The following MET variants were observed in gnomAD, a reference collection of about 807,000 sequenced individuals.
MET encodes the protein hepatocyte growth factor receptor.
In MET, 48 loss-of-function variants were observed where a neutral mutation model predicts 133.1. The ratio of observed to expected loss-of-function variants is 0.36; its 90% CI spans 0.29 to 0.46. The LOEUF is 0.46. Ranked by LOEUF, MET falls within the 20% of genes least tolerant of loss-of-function variation. MET has a pLI of 1.00. For synonymous variants in MET, 628 were observed against 616.5 expected (o/e 1.02, Z -0.28); for missense variants, 1,442 against 1,695.9 (o/e 0.85, Z 2.63).
At chr7:116,692,397 C>T (rs1398255358) in intron 1 of MET, among the ~76,000 whole-genome samples, 1 of 152,144 alleles carries the variant, frequency 6.6e-6, no homozygotes, top group African/African-American at 2.4e-5. Flanking sequence ...TATTCTATTG[C>T]CTCTGTTGGG....
At chr7:116,697,305 A>G (rs896630434) in intron 1 of MET, among the ~76,000 whole-genome samples, 19 of 152,122 alleles carry the variant, frequency 1.2e-4, no homozygotes, top group African/African-American at 4.6e-4. Context: ...TGGTGCTACC[A>G]TATTTGTTCT....
At chr7:116,762,893 G>A (rs935152176) in intron 10 of MET, among the ~76,000 whole-genome samples, 157 bp from the exon 11 acceptor site, 10 of 152,176 alleles carry the variant, frequency 6.6e-5, no homozygotes, top group African/African-American at 2.2e-4. Flanking sequence ...TGCATGTATC[G>A]TGTTTCCAGA....
chr7:116,787,007 C>A (rs942317838), intron 19 of MET, among the ~76,000 whole-genome samples: 1 of 152,064 alleles, frequency 6.6e-6, no homozygotes, highest in Non-Finnish European at 1.5e-5. Flanking sequence ...GGTAGGGGAA[C>A]TATTAGAGAA....
intron 6 of MET, among the ~76,000 whole-genome samples, chr7:116,756,102 C>T (rs1295105383): frequency 6.6e-6 from 1 of 152,112 alleles, no homozygotes; most frequent in Non-Finnish European, 1.5e-5. Flanking sequence ...AAAAGAGGTA[C>T]CTGAAGTTCA....
At chr7:116,740,784 C>A in intron 4 of MET, 68 bp from the exon 5 acceptor site, 1 of 1,576,140 alleles carries the variant, frequency 6.3e-7, no homozygotes, top group Non-Finnish European at 8.7e-7. Flanking sequence ...CTTTTGTGTA[C>A]TTACTTTATA....
At chr7:116,754,177 A>C (rs1312719048) in intron 5 of MET, among the ~76,000 whole-genome samples, 3 of 152,210 alleles carry the variant, frequency 2.0e-5, no homozygotes, top group African/African-American at 4.8e-5. Flanking sequence ...TGAATGAATG[A>C]ATTATTGGCA....
At chr7:116,758,402 C>T (rs2116929043) in intron 8 of MET, 57 bp from the exon 9 acceptor site, 1 of 1,540,298 alleles carries the variant, frequency 6.5e-7, no homozygotes, top group Non-Finnish European at 9.0e-7. Flanking sequence ...GGATATAATT[C>T]TAAAATATGT....
chr7:116,755,254 T>C, intron 5 of MET, 101 bp from the exon 6 acceptor site: 2 of 1,322,654 alleles, frequency 1.5e-6, no homozygotes, highest in Non-Finnish European at 2.1e-6. Flanking sequence ...TGAAAGAATT[T>C]CAGACTATTT....
intron 2 of MET, among the ~76,000 whole-genome samples, chr7:116,719,765 G>C (rs1215578357): frequency 1.3e-5 from 2 of 151,656 alleles, no homozygotes; most frequent in Non-Finnish European, 3.0e-5. Flanking sequence ...CCCATTGCTT[G>C]TTTTTCTCAG....
At chr7:116,721,735 G>A (rs1484171938) in intron 2 of MET, among the ~76,000 whole-genome samples, 1 of 151,716 alleles carries the variant, frequency 6.6e-6, no homozygotes, top group East Asian at 1.9e-4. Flanking sequence ...CCTTCATTTC[G>A]TTATGTATCC....
chr7:116,768,347 G>A (rs1454307589), intron 11 of MET, among the ~76,000 whole-genome samples: 1 of 151,912 alleles, frequency 6.6e-6, no homozygotes, highest in Non-Finnish European at 1.5e-5. Flanking sequence ...CCTCCAATAT[G>A]TGGATAAGGG....
chr7:116,675,412 A>T (rs966944416), intron 1 of MET, among the ~76,000 whole-genome samples: 4 of 152,224 alleles, frequency 2.6e-5, no homozygotes, highest in African/African-American at 9.6e-5. Flanking sequence ...TTTGCTATGA[A>T]ATAATAGAAT....
At chr7:116,755,545 G>T (rs184917798) in intron 6 of MET, 30 bp downstream of exon 6, 28 of 1,613,624 alleles carry the variant, frequency 1.7e-5, no homozygotes, top group Non-Finnish European at 1.2e-5. Context: ...TTGCTGGGGT[G>T]TGCTTGGAAA....
intron 5 of MET, among the ~76,000 whole-genome samples, chr7:116,753,509 C>G (rs999061741): frequency 2.6e-5 from 4 of 151,952 alleles, no homozygotes; most frequent in Non-Finnish European, 5.9e-5. Flanking sequence ...CATGACTGAC[C>G]AAGGTTTATC....
intron 3 of MET, among the ~76,000 whole-genome samples, chr7:116,738,242 T>C (rs1414304044): frequency 1.3e-5 from 2 of 152,164 alleles, no homozygotes; most frequent in Admixed American, 1.3e-4. Context: ...CAAAGAAATA[T>C]GGGGGGTATT....
intron 2 of MET, among the ~76,000 whole-genome samples, chr7:116,702,972 T>C (rs1016983216): frequency 1.3e-5 from 2 of 152,200 alleles, no homozygotes; most frequent in African/African-American, 4.8e-5. Context: ...TTTGTTGCTT[T>C]TCCCAGTCTC....
chr7:116,717,305 T>G (rs1319855597), intron 2 of MET, among the ~76,000 whole-genome samples: 1 of 152,144 alleles, frequency 6.6e-6, no homozygotes, highest in Non-Finnish European at 1.5e-5. Flanking sequence ...AGAGTTAAAA[T>G]ATGTCTATAA....
intron 10 of MET, 27 bp from the exon 11 acceptor site, chr7:116,763,023 A>G (rs746093579): frequency 3.8e-6 from 6 of 1,579,158 alleles, no homozygotes; most frequent in South Asian, 2.2e-5. Context: ...TATTCTGTTT[A>G]CAGTGGATAA....
At position 116,685,547 on chromosome 7, in the gene MET, G is replaced by A. The variant is rs1215916275; in HGVS notation, c.-15+12970G>A. Among the ~76,000 whole-genome samples, 3 of 152,178 alleles carry A rather than the reference G, an allele frequency of 2.0e-5. No individual in the cohort carries two copies. The East Asian group carries it at 5.8e-4, about 30-fold the overall frequency. ...CTAAAAATACAAAATTTAGCCAGGTGTGGTGATGTGTGCCTGTAATCCCAA... is the reference window on the plus strand; with the variant it reads ...CTAAAAATACAAAATTTAGCCAGGTATGGTGATGTGTGCCTGTAATCCCAA... On this transcript the variant is annotated intron_variant, in intron 1 of 20. Transcript: ENST00000397752.
Sources: allele counts gnomAD v4.1 joint callset (sites outside exome capture counted in the v4.1 genomes callset), GRCh38; gene constraint gnomAD v4.1.1; transcripts MANE v1.5; gene names NCBI Gene and HGNC (gene_info 2026-07-23, HGNC 2026-07-21).